EIF3D: variants seen among roughly 807,000 people sequenced by gnomAD.
EIF3D encodes the protein eukaryotic translation initiation factor 3 subunit D, also known as eIF3 p66.
Under a neutral mutation model 75.4 loss-of-function variants are expected in EIF3D, and 10 were observed. That is an observed-to-expected ratio of 0.13 (90% CI 0.08 to 0.22). EIF3D has a LOEUF of 0.22. EIF3D is among the 10% of genes least tolerant of loss of function. The pLI is 1.00. For missense variants in EIF3D, 394 were observed against 708.0 expected (o/e 0.56, Z 5.03); for synonymous variants, 246 against 248.3 (o/e 0.99, Z 0.09).
At chr22:36,511,202 T>C in intron 14 of EIF3D, 1 of 821,544 alleles carries the variant, frequency 1.2e-6, no homozygotes, top group South Asian at 1.9e-5. Flanking sequence ...TTCAGGCTAT[T>C]TAACCCGGAG....
At chr22:36,515,101 G>A (rs1446675829) in intron 12 of EIF3D, among the ~76,000 whole-genome samples, 1 of 152,188 alleles carries the variant, frequency 6.6e-6, no homozygotes, top group African/African-American at 2.4e-5. Context: ...GCAGAACTGT[G>A]AGCCAATTAA....
intron 6 of EIF3D, 74 bp from the exon 7 acceptor site, chr22:36,520,762 T>C: frequency 1.9e-6 from 2 of 1,052,816 alleles, no homozygotes; most frequent in Non-Finnish European, 2.8e-6. Context: ...AGGCTAAAAA[T>C]ATGAAGAGCT....
chr22:36,515,619 T>C (rs185148129), intron 12 of EIF3D, among the ~76,000 whole-genome samples: 153 of 152,286 alleles, frequency 1.0e-3, no homozygotes, highest in Non-Finnish European at 3.8e-4. Context: ...GAAAGAAAAC[T>C]AATACAAAGT....
At position 36,518,823 on chromosome 22, in the gene EIF3D, T is replaced by C. The variant is rs774760833; in HGVS notation, c.799A>G (p.Ile267Val). Residue 267 changes from isoleucine (I) to valine (V), a missense_variant, in exon 9 of 15, where the codon ATT (isoleucine) becomes GTT (valine). Ile to Val is a conservative substitution (Grantham distance 29). Coordinates refer to ENST00000216190, the MANE Select transcript of EIF3D (RefSeq NM_003753.4). ...TTGGACCCAACTCTCTGGACGACAA[T>C]ATCCCAGGAATACACTGAGCGGGTA... ...SCTRSVYSWDIVVQRVGSKLF... is the reference protein window; with the variant it reads ...SCTRSVYSWDVVVQRVGSKLF... The C allele has an allele frequency of 1.4e-5, 22 of 1,614,080 alleles. No homozygotes were observed. In the East Asian group the frequency reaches 3.3e-4, roughly 25 times the overall value.
intron 3 of EIF3D, among the ~76,000 whole-genome samples, chr22:36,525,067 C>A (rs1055859448): frequency 3.3e-5 from 5 of 152,122 alleles, no homozygotes; most frequent in African/African-American, 1.2e-4. Flanking sequence ...ACCACCATCT[C>A]CATTATCAGG....
At position 36,524,519 on chromosome 22, in the gene EIF3D, A is replaced by C. The variant is rs1006200911; in HGVS notation, c.306+77T>G. On this transcript the variant is annotated intron_variant, in intron 4 of 14. Coordinates refer to ENST00000216190, the MANE Select transcript of EIF3D (RefSeq NM_003753.4). ...ATGCTTCCCTCTCTCATTAGGAGTC[A>C]CAAGGTAGCATTTTTTAGCAGGTGA... 1.1e-5 allele frequency: 17 copies of C among 1,596,950 alleles called. No individual in the cohort carries two copies. The African/African-American group carries it at 1.5e-4, about 14-fold the overall frequency.
rs1271721062 is a variant in EIF3D, at chr22:36,529,097, G to A, written c.-32C>T. On this transcript the variant is annotated 5_prime_UTR_variant, in exon 1 of 15. Transcript: ENST00000216190. ...TCACCTGCAATGGCCTCGGCCGGCC[G>A]GGATGGCAACAGATGGTGCGTGCCG... 8 of 393,682 alleles carry A rather than the reference G, an allele frequency of 2.0e-5. No individual in the cohort carries two copies. Among genetic ancestry groups the A allele is most frequent in the Non-Finnish European group, 3.1e-5 (7 of 223,344 alleles). The allele number at this position is 393,682 out of a possible 1,614,324, so 24.4% of individuals were successfully genotyped here.
chr22:36,512,865 AC>A, intron 12 of EIF3D: 1 of 389,202 alleles, frequency 2.6e-6, no homozygotes, highest in Non-Finnish European at 4.8e-6. Flanking sequence ...ACGGACACAC[AC>A]ACACACACAC....
At chr22:36,524,120 G>C (rs1000416121) in intron 4 of EIF3D, 140 bp from the exon 5 acceptor site, 2 of 824,420 alleles carry the variant, frequency 2.4e-6, no homozygotes, top group African/African-American at 3.3e-5. Flanking sequence ...TCACTCTACG[G>C]CATCAACAGC....
At chr22:36,519,674 G>C in intron 7 of EIF3D, 137 bp from the exon 8 acceptor site, 1 of 1,198,494 alleles carries the variant, frequency 8.3e-7, no homozygotes, top group Middle Eastern at 2.0e-4. Flanking sequence ...CAGGAGAGAC[G>C]AATCCTCAGT....
intron 12 of EIF3D, among the ~76,000 whole-genome samples, chr22:36,513,761 G>T (rs751747380): frequency 1.3e-5 from 2 of 152,208 alleles, no homozygotes; most frequent in African/African-American, 4.8e-5. Context: ...GCCCAAGCTG[G>T]TGAGTTCAGG....
chr22:36,518,882 G>A lies in EIF3D; in HGVS notation c.740C>T (p.Ala247Val). The change falls in exon 9 of 15, where the codon GCC becomes GTC. Residue 247 changes from alanine to valine, a missense_variant. By Grantham distance (64) the Ala-to-Val change is moderately conservative (BLOSUM62 0). Transcript: ENST00000216190. ...KLAKTQGNVF[A>V]TDAILATLMS... ...CAGCGTGGCCAGGATGGCATCAGTG[G>A]CAAACACATTCCCCTGAGTTTTTGC... is the stretch of plus-strand genomic sequence containing the variant. The A allele has an allele frequency of 6.2e-7, 1 of 1,614,154 alleles. No individual in the cohort carries two copies. Among genetic ancestry groups the A allele is most frequent in the Non-Finnish European group, 8.5e-7 (1 of 1,180,018 alleles).
chr22:36,512,720 C>T, intron 12 of EIF3D, 118 bp from the exon 13 acceptor site: 2 of 1,185,788 alleles, frequency 1.7e-6, no homozygotes, highest in Non-Finnish European at 2.3e-6. Context: ...GGTAGGTACG[C>T]ACTAAATCTT....
In EIF3D at chr22:36,524,821, G is replaced by C. The variant is rs1934570550; in HGVS notation, c.170-89C>G. ...CTAAAGCCTTGCTATTTCAAGTGTG[G>C]TCTTGAGACCTGTAGCATTGGCTGA... On this transcript the variant is annotated intron_variant, in intron 3 of 14. Coordinates refer to ENST00000216190, the MANE Select transcript of EIF3D (RefSeq NM_003753.4). 1.0e-5 allele frequency: 16 copies of C among 1,550,038 alleles called. No individual in the cohort carries two copies. In the South Asian group the frequency reaches 1.7e-4, roughly 17 times the overall value.
intron 4 of EIF3D, 144 bp downstream of exon 4, chr22:36,524,452 G>T: frequency 3.4e-6 from 4 of 1,190,776 alleles, no homozygotes; most frequent in Non-Finnish European, 4.7e-6. Flanking sequence ...GGTACCACTT[G>T]TTATGGAACG....
At chr22:36,519,287 A>C in intron 8 of EIF3D, 118 bp downstream of exon 8, 1 of 1,428,094 alleles carries the variant, frequency 7.0e-7, no homozygotes, top group Non-Finnish European at 9.5e-7. Flanking sequence ...TACCTGGCAA[A>C]GTGCTTTTAC....
chr22:36,526,243 G>T, intron 1 of EIF3D, 112 bp from the exon 2 acceptor site: 1 of 1,183,818 alleles, frequency 8.4e-7, no homozygotes. Flanking sequence ...AAAGCAACAC[G>T]CAAAATGGAA....
Position 36,529,147 on chromosome 22 carries a change from T to C in EIF3D, c.-82A>G, listed in dbSNP as rs1643111936. 2.5e-6 allele frequency: 1 copy of C among 396,874 alleles called. No individual in the cohort carries two copies. Among genetic ancestry groups the C allele is most frequent in the East Asian group, 3.6e-5 (1 of 28,034 alleles). 24.6% of individuals were successfully genotyped at this position (396,874 alleles called of 1,614,324 possible). A position where few individuals can be genotyped will look rare whatever the true frequency, so the allele number is the denominator to read the frequency against. ...GGGGACCGCGTTAGCAGCAGCACTCTTGAGAAACCAGGAAAAGAGGAAACA... is the reference window on the plus strand; with the variant it reads ...GGGGACCGCGTTAGCAGCAGCACTCCTGAGAAACCAGGAAAAGAGGAAACA... On this transcript the variant is annotated 5_prime_UTR_variant, in exon 1 of 15. Coordinates refer to ENST00000216190, the MANE Select transcript of EIF3D (RefSeq NM_003753.4).
At chr22:36,525,595 A>G in intron 3 of EIF3D, 69 bp downstream of exon 3, 1 of 1,520,500 alleles carries the variant, frequency 6.6e-7, no homozygotes, top group Non-Finnish European at 9.0e-7. Flanking sequence ...CTTTCAGAAG[A>G]AGGTCATTAG....
Sources: gnomAD v4.1 joint callset for allele counts (sites outside exome capture counted in the v4.1 genomes callset) on GRCh38, gnomAD v4.1.1 for gene constraint, MANE v1.5 for transcripts, NCBI Gene and HGNC (gene_info 2026-07-23, HGNC 2026-07-21) for gene names.